The following KAZN variants were observed in gnomAD, a reference collection of about 807,000 sequenced individuals.
KAZN encodes the protein kazrin, periplakin interacting protein, also known as kazrin.
Under a neutral mutation model 87.4 loss-of-function variants are expected in KAZN, and 40 were observed. The observed-to-expected ratio is 0.46, with a 90% confidence interval of 0.36 to 0.60. KAZN has a LOEUF of 0.60. KAZN is among the 20% of genes least tolerant of loss of function. The pLI, the probability that KAZN is intolerant of heterozygous loss-of-function variation, is 0.00. For synonymous variants in KAZN, 466 were observed against 458.3 expected (o/e 1.02, Z -0.22); for missense variants, 898 against 1,073.9 (o/e 0.84, Z 2.29).
chr1:14,200,423 C>G (rs1251922847), intron 2 of KAZN, among the ~76,000 whole-genome samples: 1 of 152,044 alleles, frequency 6.6e-6, no homozygotes, highest in African/African-American at 2.4e-5. Flanking sequence ...GGGGAAAACA[C>G]TTCCCCATAT....
intron 2 of KAZN, among the ~76,000 whole-genome samples, chr1:15,001,307 CAAAA>C (rs201932238): frequency 1.0e-5 from 1 of 97,788 alleles, no homozygotes; most frequent in African/African-American, 3.9e-5. Flanking sequence ...ACTAAAAATA[CAAAA>C]AAAAAAAAAA....
chr1:13,920,361 A>G (rs1271849612), intron 1 of KAZN, among the ~76,000 whole-genome samples: 21 of 150,886 alleles, frequency 1.4e-4, no homozygotes, highest in Admixed American at 1.4e-3. Flanking sequence ...CTGTTCTTTG[A>G]TGTGTTTACC....
intron 1 of KAZN, among the ~76,000 whole-genome samples, chr1:14,659,063 C>A (rs1638987319): frequency 6.6e-6 from 1 of 152,186 alleles, no homozygotes; most frequent in African/African-American, 2.4e-5. Context: ...CATGGTGAAA[C>A]CCCATCTCTA....
At chr1:14,888,160 G>A (rs1654300203) in intron 1 of KAZN, among the ~76,000 whole-genome samples, 1 of 152,156 alleles carries the variant, frequency 6.6e-6, no homozygotes, top group African/African-American at 2.4e-5. Flanking sequence ...CTATTGTGAA[G>A]TCCACAGTGA....
intron 1 of KAZN, among the ~76,000 whole-genome samples, chr1:14,704,110 GT>G (rs1367059512): frequency 2.0e-5 from 3 of 152,204 alleles, no homozygotes; most frequent in African/African-American, 2.4e-5. Context: ...TATCCTTCAA[GT>G]AAGTCCCTCT....
At chr1:13,963,497 C>T (rs1254786291) in intron 1 of KAZN, among the ~76,000 whole-genome samples, 1 of 152,138 alleles carries the variant, frequency 6.6e-6, no homozygotes, top group East Asian at 1.9e-4. Context: ...CCTAAGAAGA[C>T]AGCATCTTCT....
chr1:14,068,672 G>A (rs1486744194), intron 1 of KAZN, among the ~76,000 whole-genome samples: 3 of 152,138 alleles, frequency 2.0e-5, no homozygotes, highest in East Asian at 1.9e-4. Flanking sequence ...GGCTTTCATT[G>A]CCCTTGCAAT....
intron 2 of KAZN, among the ~76,000 whole-genome samples, chr1:14,554,329 C>T (rs10927462): frequency 0.48 from 73,103 of 151,970 alleles, 20,333 homozygotes; most frequent in East Asian, 0.9. Context: ...TTAAACTGCA[C>T]CCCTGTATCA....
chr1:13,993,059 T>C (rs1041763669), intron 1 of KAZN, among the ~76,000 whole-genome samples: 11 of 152,342 alleles, frequency 7.2e-5, no homozygotes, highest in African/African-American at 2.6e-4. Flanking sequence ...GATGTCAGGC[T>C]TGACCATGTG....
At chr1:15,038,844 A>G (rs1240391082) in intron 3 of KAZN, among the ~76,000 whole-genome samples, 1 of 104,866 alleles carries the variant, frequency 9.5e-6, no homozygotes, top group Non-Finnish European at 2.2e-5. Context: ...TGAATGTGCT[A>G]TTACCAACAG....
At chr1:14,701,497 CAA>C (rs897409306) in intron 1 of KAZN, among the ~76,000 whole-genome samples, 2 of 152,200 alleles carry the variant, frequency 1.3e-5, no homozygotes, top group African/African-American at 4.8e-5. Context: ...CACACTCAAA[CAA>C]GAGAGGCACA....
chr1:14,573,082 C>G (rs1443339753), intron 2 of KAZN, among the ~76,000 whole-genome samples: 1 of 152,092 alleles, frequency 6.6e-6, no homozygotes. Flanking sequence ...GGTTTGAAGT[C>G]CTATTTCATG....
intron 1 of KAZN, among the ~76,000 whole-genome samples, chr1:14,922,335 C>T (rs951278682): frequency 1.3e-5 from 2 of 152,182 alleles, no homozygotes; most frequent in South Asian, 4.1e-4. Flanking sequence ...CTTCTCCGCT[C>T]TCGGGTGCTC....
At chr1:14,731,785 C>T (rs1251313745) in intron 1 of KAZN, among the ~76,000 whole-genome samples, 2 of 152,160 alleles carry the variant, frequency 1.3e-5, no homozygotes, top group African/African-American at 2.4e-5. Context: ...CAGGTCTGTT[C>T]GGCACCTTAA....
At chr1:14,309,447 T>G (rs1655139196) in intron 2 of KAZN, among the ~76,000 whole-genome samples, 1 of 152,130 alleles carries the variant, frequency 6.6e-6, no homozygotes, top group African/African-American at 2.4e-5. Context: ...CAGAGTGGAA[T>G]GGGAGGAGGT....
At chr1:15,078,320 G>T (rs7512364) in intron 8 of KAZN, among the ~76,000 whole-genome samples, 29,932 of 151,814 alleles carry the variant, frequency 0.2, 3,958 homozygotes, top group East Asian at 0.64. Flanking sequence ...AAGGAGAATC[G>T]CTTGAACCTA....
chr1:15,018,948 G>A (rs1670392288), intron 2 of KAZN, among the ~76,000 whole-genome samples: 1 of 152,218 alleles, frequency 6.6e-6, no homozygotes, highest in Non-Finnish European at 1.5e-5. Flanking sequence ...CCATTTCACA[G>A]AGTTAAACAC....
chr1:14,718,889 G>A (rs554264098), intron 1 of KAZN, among the ~76,000 whole-genome samples: 13 of 152,210 alleles, frequency 8.5e-5, no homozygotes, highest in Non-Finnish European at 1.5e-4. Context: ...CCCCAGTTGC[G>A]CCTGTTAGGA....
chr1:14,354,197 C>G lies in KAZN; in HGVS notation c.249+173605C>G, dbSNP rs573392684. Among the ~76,000 whole-genome samples, 10 of 151,778 alleles carry G rather than the reference C, an allele frequency of 6.6e-5. No individual in the cohort carries two copies. In the South Asian group the frequency reaches 1.9e-3, roughly 28 times the overall value. ...ATAAAAAAACTGCATTAAAAAAAGC[C>G]AAAAACTTTCAGCTTTTATGTTTGT... On this transcript the variant is annotated intron_variant, in intron 2 of 16. Transcript: ENST00000636203.
Sources: allele counts gnomAD v4.1 joint callset (sites outside exome capture counted in the v4.1 genomes callset), GRCh38; gene constraint gnomAD v4.1.1; transcripts MANE v1.5; gene names NCBI Gene and HGNC (gene_info 2026-07-23, HGNC 2026-07-21).